Variants in PKP3 observed in about 807,000 individuals in gnomAD.
PKP3 encodes plakophilin-3.
A neutral mutation model predicts 76.5 loss-of-function variants in PKP3; 66 were observed. The observed-to-expected ratio is 0.86, with a 90% confidence interval of 0.71 to 1.06. The LOEUF (loss-of-function observed/expected upper bound fraction) is 1.06, where lower values mean the gene tolerates loss of function less well. Among genes scored for constraint, PKP3 ranks in the 50% least tolerant of loss-of-function variants. PKP3 has a pLI of 0.00. For synonymous variants in PKP3, 638 were observed against 516.5 expected, an observed-to-expected ratio of 1.24 and a Z score of -3.19; for missense variants, 1,338 against 1,141.0, an observed-to-expected ratio of 1.17 and a Z score of -2.49.
At chr11:393,412 C>T (rs1305547660), upstream of PKP3, 2 of 152,148 alleles carry the variant, frequency 1.3e-5, no homozygotes, top group Non-Finnish European at 1.5e-5. Context: ...CCCCTGCACC[C>T]TGACTCATGT....
Position 404,597 on chromosome 11 carries a change from G to T in PKP3, c.*28G>T. ...GAAGCCTTCTGGAGGAGAAGGTGAC[G>T]TGGCCCAGCGTCCAAGGGACAGACT... is the stretch of plus-strand genomic sequence containing the variant. On this transcript the variant is annotated 3_prime_UTR_variant, in exon 13 of 13. Transcript: ENST00000331563. This position sits in a 1 kb window ranked among gnomAD's most constrained non-coding sequence, Gnocchi z 4.2. 6.2e-7 allele frequency: 1 copy of T among 1,608,044 alleles called. No individual in the cohort carries two copies. The highest frequency in any genetic ancestry group is 2.2e-5 in the East Asian group (1 of 44,858).
At position 404,643 on chromosome 11, in the gene PKP3, G is replaced by T; in HGVS notation, c.*74G>T. ...AGACTCAGCTCCAGGCTGCTTGGCA[G>T]CCCAGCCTGGAGGAGAAGGCTAATG... On this transcript the variant is annotated 3_prime_UTR_variant, in exon 13 of 13. Coordinates refer to ENST00000331563, the MANE Select transcript of PKP3 (RefSeq NM_007183.4). The surrounding 1 kb of genome is among the most constrained non-coding windows in gnomAD (Gnocchi z 4.2). 6.9e-7 allele frequency: 1 copy of T among 1,459,504 alleles called. No individual in the cohort carries two copies. Among genetic ancestry groups the T allele is most frequent in the South Asian group, 1.1e-5 (1 of 87,724 alleles). 90.4% of individuals were successfully genotyped at this position (1,459,504 alleles called of 1,614,324 possible). A position where few individuals can be genotyped will look rare whatever the true frequency, so the allele number is the denominator to read the frequency against.
rs774541718 is a variant in PKP3 at position 403,212 on chromosome 11, G to A, written c.1872G>A (p.Thr624=). The change falls in exon 9 of 13, where the codon ACG becomes ACA. Residue 624 remains threonine, a synonymous_variant. Coordinates refer to ENST00000331563, the MANE Select transcript of PKP3 (RefSeq NM_007183.4). ...AGCGCTGCGAGCTCAACCGGCACAC[G>A]ACGGAGGCGGCCGCCGGGGCGCTGC... The part of the protein sequence containing the change: ...LLQRCELNRH[T]TEAAAGALQN... The A allele has an allele frequency of 1.1e-5, 17 of 1,590,530 alleles. No individual in the cohort carries two copies. The highest frequency in any genetic ancestry group is 1.3e-5 in the Non-Finnish European group (15 of 1,170,938).
rs745939832 is a variant in PKP3, at chr11:403,704, C to T, written c.2010C>T (p.His670=). 10 of 1,610,278 alleles carry T rather than the reference C, an allele frequency of 6.2e-6. No individual in the cohort carries two copies. Among genetic ancestry groups the T allele is most frequent in the Middle Eastern group, 1.6e-4 (1 of 6,082 alleles). The change falls in exon 10 of 13, where the codon CAC becomes CAT. Residue 670 remains histidine, a synonymous_variant. Coordinates refer to ENST00000331563, the MANE Select transcript of PKP3 (RefSeq NM_007183.4). ...ACCGTGTCAGGACCGCCGACCACCA[C>T]CAGCTGCGCTCACTGACTGGCCTCA... ...LLDRVRTADH[H]QLRSLTGLIR... is the part of the protein sequence containing the mutation.
chr11:404,334 C>A lies in PKP3; in HGVS notation c.2358+11C>A. The A allele has an allele frequency of 6.2e-7, 1 of 1,609,752 alleles. No individual in the cohort carries two copies. The highest frequency in any genetic ancestry group is 8.5e-7 in the Non-Finnish European group (1 of 1,177,316). Reference sequence around the variant, plus strand: ...CGTGACTTCCGGGCGGTACGTTTCCCGAGCCCAGGGCAAGCAGGGACCCGG... The same window carrying A: ...CGTGACTTCCGGGCGGTACGTTTCCAGAGCCCAGGGCAAGCAGGGACCCGG... On this transcript the variant is annotated intron_variant, in intron 12 of 12. Coordinates refer to ENST00000331563, the MANE Select transcript of PKP3 (RefSeq NM_007183.4). The surrounding 1 kb of genome is among the most constrained non-coding windows in gnomAD (Gnocchi z 4.2).
Position 394,241 on chromosome 11 carries a change from A to T in PKP3, c.-52A>T. ...GGGCCTCGAGGGACAGGACGTGAAG[A>T]TAGTTGGGTTTGGAGGCGGCCGCCA... On this transcript the variant is annotated 5_prime_UTR_variant, in exon 1 of 13. Coordinates refer to ENST00000331563, the MANE Select transcript of PKP3 (RefSeq NM_007183.4). 2.1e-6 allele frequency: 3 copies of T among 1,446,022 alleles called. No individual in the cohort carries two copies. Among genetic ancestry groups the T allele is most frequent in the Non-Finnish European group, 2.7e-6 (3 of 1,105,210 alleles). 89.6% of individuals were successfully genotyped at this position (1,446,022 alleles called of 1,614,324 possible).
At position 397,471 on chromosome 11, in the gene PKP3, A is replaced by G. The variant is rs768346857; in HGVS notation, c.944+26A>G. On this transcript the variant is annotated intron_variant, in intron 3 of 12. Transcript: ENST00000331563. The stretch of plus-strand genomic sequence containing the variant: ...GTGAGCGGCTGGGCCCGGCTCAGGG[A>G]GGGGGCTTCTACCACGGGCCCAGCC... 3.1e-6 allele frequency: 5 copies of G among 1,611,706 alleles called. No homozygotes were observed. In the Admixed American group the frequency reaches 5.0e-5, roughly 16 times the overall value.
chr11:404,679 C>T lies in PKP3; in HGVS notation c.*110C>T. 2 of 1,097,546 alleles carry T rather than the reference C, an allele frequency of 1.8e-6. No individual in the cohort carries two copies. The highest frequency in any genetic ancestry group is 2.7e-5 in the South Asian group (2 of 75,048). 68.0% of individuals were successfully genotyped at this position (1,097,546 alleles called of 1,614,324 possible). Reference sequence around the variant, plus strand: ...AGGAGAAGGCTAATGACGGAGGGGCCCCTCGCTGGGGCCCCTGTGTGCATC... The same window carrying T: ...AGGAGAAGGCTAATGACGGAGGGGCTCCTCGCTGGGGCCCCTGTGTGCATC... On this transcript the variant is annotated 3_prime_UTR_variant, in exon 13 of 13. Transcript: ENST00000331563. This position sits in a 1 kb window ranked among gnomAD's most constrained non-coding sequence, Gnocchi z 4.2.
rs1847133583 is a variant in PKP3, at chr11:400,451, G to C, written c.1566G>C (p.Lys522Asn). ...HALDAGKCEDKSVENAVCVLR... is the reference protein window; with the variant it reads ...HALDAGKCEDNSVENAVCVLR... ...TGGACGCGGGCAAATGCGAGGACAA[G>C]GTGAGGGGCGCGGTGTGGAGGAGGG... Residue 522 changes from lysine (K) to asparagine (N), a missense_variant and splice_region_variant, in exon 7 of 13, where the codon AAG becomes AAC. By Grantham distance (94) the Lys-to-Asn change is moderately conservative (BLOSUM62 0). Transcript: ENST00000331563. The C allele has an allele frequency of 6.5e-7, 1 of 1,543,274 alleles. No individual in the cohort carries two copies. Among genetic ancestry groups the C allele is most frequent in the Non-Finnish European group, 8.7e-7 (1 of 1,144,014 alleles).
chr11:403,702 C>T lies in PKP3; in HGVS notation c.2008C>T (p.His670Tyr), dbSNP rs1335211405. 1 of 1,610,392 alleles carries T rather than the reference C, an allele frequency of 6.2e-7. No homozygotes were observed. Among genetic ancestry groups the T allele is most frequent in the South Asian group, 1.1e-5 (1 of 91,090 alleles). The change falls in exon 10 of 13, where the codon CAC (histidine) becomes TAC (tyrosine). Residue 670 changes from histidine to tyrosine, a missense_variant. His to Tyr is a moderately conservative substitution (Grantham distance 83). Coordinates refer to ENST00000331563, the MANE Select transcript of PKP3 (RefSeq NM_007183.4). ...LLDRVRTADHHQLRSLTGLIR... is the reference protein window; with the variant it reads ...LLDRVRTADHYQLRSLTGLIR... ...AGACCGTGTCAGGACCGCCGACCACCACCAGCTGCGCTCACTGACTGGCCT... is the reference window on the plus strand; with the variant it reads ...AGACCGTGTCAGGACCGCCGACCACTACCAGCTGCGCTCACTGACTGGCCT...
In PKP3 at chr11:404,429, G is replaced by T. The variant is rs757305094; in HGVS notation, c.2359-105G>T. The T allele has an allele frequency of 1.4e-6, 2 of 1,470,262 alleles. No homozygotes were observed. Among genetic ancestry groups the T allele is most frequent in the African/African-American group, 2.8e-5 (2 of 72,110 alleles). 91.1% of individuals were successfully genotyped at this position (1,470,262 alleles called of 1,614,324 possible). A position where few individuals can be genotyped will look rare whatever the true frequency, so the allele number is the denominator to read the frequency against. ...TGGGAGGATGGAGACCAGGGACCCA[G>T]AGAGGAAGGGTCCGGGCCACACCCA... On this transcript the variant is annotated intron_variant, in intron 12 of 12. Coordinates refer to ENST00000331563, the MANE Select transcript of PKP3 (RefSeq NM_007183.4). The surrounding 1 kb of genome is among the most constrained non-coding windows in gnomAD (Gnocchi z 4.2).
chr11:404,410 G>A lies in PKP3; in HGVS notation c.2358+87G>A. The A allele has an allele frequency of 6.8e-7, 1 of 1,469,076 alleles. No individual in the cohort carries two copies. The highest frequency in any genetic ancestry group is 1.4e-5 in the African/African-American group (1 of 72,204). 91.0% of individuals were successfully genotyped at this position (1,469,076 alleles called of 1,614,324 possible). ...GGGTCAGTGAAGAGGCCCATGGGAG[G>A]ATGGAGACCAGGGACCCAGAGAGGA... is the stretch of plus-strand genomic sequence containing the variant. On this transcript the variant is annotated intron_variant, in intron 12 of 12. Transcript: ENST00000331563. The surrounding 1 kb of genome is among the most constrained non-coding windows in gnomAD (Gnocchi z 4.2).
At chr11:393,594 G>A (rs1164090011), upstream of PKP3, 1 of 152,438 alleles carries the variant, frequency 6.6e-6, no homozygotes, top group Admixed American at 6.5e-5. Flanking sequence ...GCTTCCTGGT[G>A]CGGAGGGGGC....
chr11:397,066 G>T lies in PKP3; in HGVS notation c.565G>T (p.Gly189Trp), dbSNP rs554635370. ...CCTGCGCTCGCTGCGGCTGGGGCCCGGGGGCCTGGACGACCGCTACAGCCT... is the reference window on the plus strand; with the variant it reads ...CCTGCGCTCGCTGCGGCTGGGGCCCTGGGGCCTGGACGACCGCTACAGCCT... Reference protein sequence around the residue: ...LSLRSLRLGPGGLDDRYSLVS... With the variant: ...LSLRSLRLGPWGLDDRYSLVS... The change falls in exon 3 of 13, where the codon GGG becomes TGG. Residue 189 changes from glycine (G) to tryptophan (W), a missense_variant. Gly to Trp is a radical substitution (Grantham distance 184). Transcript: ENST00000331563. 1 of 1,598,600 alleles carries T rather than the reference G, an allele frequency of 6.3e-7. No individual in the cohort carries two copies.
Position 397,346 on chromosome 11 carries a change from GCAGCCT to G in PKP3, c.858_863del (p.Ser287_Leu288del), listed in dbSNP as rs763272255. 3 of 1,587,810 alleles carry G rather than the reference GCAGCCT, an allele frequency of 1.9e-6. No homozygotes were observed. Among genetic ancestry groups the G allele is most frequent in the Non-Finnish European group, 2.6e-6 (3 of 1,169,574 alleles). ...CCAGTGGCTCGAGCGCCATCTGTGC[GCAGCCT>G]CAGCCTCAGCCTGGCTGACTCGGGC... On this transcript the variant is annotated inframe_deletion, in exon 3 of 13. Coordinates refer to ENST00000331563, the MANE Select transcript of PKP3 (RefSeq NM_007183.4).
chr11:396,395 G>T, intron 1 of PKP3: 1 of 508,854 alleles, frequency 2.0e-6, no homozygotes, highest in Non-Finnish European at 3.5e-6. Flanking sequence ...CTGGGGGGTG[G>T]GCTGTGGAAG....
At position 397,563 on chromosome 11, in the gene PKP3, A is replaced by T; in HGVS notation, c.969A>T (p.Ser323=). The part of the protein sequence containing the change: ...SSGFDDIDLP[S]AVKYLMASDP... The stretch of plus-strand genomic sequence containing the variant: ...GTTTTGATGACATTGACCTGCCCTC[A>T]GCAGTCAAGTACCTCATGGCTTCAG... The change falls in exon 4 of 13, where the codon TCA becomes TCT. Residue 323 remains serine (S), a synonymous_variant. Transcript: ENST00000331563. The T allele has an allele frequency of 1.2e-6, 2 of 1,612,208 alleles. No individual in the cohort carries two copies. Among genetic ancestry groups the T allele is most frequent in the Non-Finnish European group, 1.7e-6 (2 of 1,179,586 alleles).
chr11:399,226 TTCC>T, intron 5 of PKP3, 30 bp downstream of exon 5: 1 of 1,420,598 alleles, frequency 7.0e-7, no homozygotes, highest in Non-Finnish European at 9.4e-7. Flanking sequence ...CCACCTGTCC[TTCC>T]TCCACCTGCG....
rs1023478169 is a variant in PKP3 at position 404,137 on chromosome 11, T to C, written c.2270+2T>C. 6.2e-7 allele frequency: 1 copy of C among 1,609,138 alleles called. No homozygotes were observed. Among genetic ancestry groups the C allele is most frequent in the Non-Finnish European group, 8.5e-7 (1 of 1,177,630 alleles). ...CTTCATCAAGAAGAAGCGGGACAGG[T>C]AGGGGCCGACCCAGCCGTGCAGCAG... On this transcript the variant is annotated splice_donor_variant, in intron 11 of 12. Transcript: ENST00000331563. LOFTEE classifies it high-confidence loss of function. The surrounding 1 kb of genome is among the most constrained non-coding windows in gnomAD (Gnocchi z 4.2).
Sources: gnomAD v4.1 joint callset for allele counts on GRCh38, gnomAD v4.1.1 for gene constraint, Gnocchi (gnomAD v3.1) non-coding constraint, MANE v1.5 for transcripts, NCBI Gene and HGNC (gene_info 2026-07-23, HGNC 2026-07-21) for gene names.